Variants in SGPP2 observed in about 807,000 individuals in gnomAD.
The protein encoded by SGPP2 is sphingosine 1-phosphate phosphohydrolase 2.
Under a neutral mutation model 33.9 loss-of-function variants are expected in SGPP2, and 30 were observed. The observed-to-expected ratio is 0.89, with a 90% CI of 0.66 to 1.20. The LOEUF (loss-of-function observed/expected upper bound fraction) is 1.20, where lower values mean the gene tolerates loss of function less well. SGPP2 is among the 50% of genes most tolerant of loss of function. The pLI, the probability that SGPP2 is intolerant of heterozygous loss-of-function variation, is 0.00. For synonymous variants in SGPP2, 233 were observed against 225.0 expected (o/e 1.04, Z -0.32); for missense variants, 458 against 532.1 (o/e 0.86, Z 1.37).
chr2:222,557,847 G>C (rs905942594), intron 4 of SGPP2, among the ~76,000 whole-genome samples: 2 of 152,162 alleles, frequency 1.3e-5, no homozygotes, highest in South Asian at 2.1e-4. Flanking sequence ...ACATCCAAAT[G>C]TCTCCTCAAA....
intron 2 of SGPP2, among the ~76,000 whole-genome samples, chr2:222,488,486 T>G (rs1263126649): frequency 6.6e-6 from 1 of 152,200 alleles, no homozygotes. Context: ...AACAGTTTTA[T>G]CCTAAAAGCA....
chr2:222,424,547 G>A lies in SGPP2; in HGVS notation c.-56G>A, dbSNP rs907742035. 1.2e-5 allele frequency: 14 copies of A among 1,132,708 alleles called. No homozygotes were observed. In the Middle Eastern group the frequency reaches 1.7e-3, roughly 136 times the overall value. 70.2% of individuals were successfully genotyped at this position (1,132,708 alleles called of 1,614,324 possible). On this transcript the variant is annotated 5_prime_UTR_variant, in exon 1 of 5. Transcript: ENST00000321276. ...GGGCGAGGCGGGAGTGGCGGTGCCA[G>A]CGGAGGGCACCGGCCCGGCGTGGCA...
intron 1 of SGPP2, among the ~76,000 whole-genome samples, chr2:222,445,917 AG>A (rs1697391924): frequency 6.6e-6 from 1 of 152,208 alleles, no homozygotes; most frequent in African/African-American, 2.4e-5. Flanking sequence ...CAGAATGTAA[AG>A]GGTTCAGATT....
chr2:222,532,205 C>T (rs758623283), intron 4 of SGPP2, among the ~76,000 whole-genome samples: 11 of 151,560 alleles, frequency 7.3e-5, no homozygotes, highest in Non-Finnish European at 1.3e-4. Context: ...ACCTGGGAGG[C>T]GGAGTTTGCA....
chr2:222,513,114 T>C (rs367615498), intron 2 of SGPP2, among the ~76,000 whole-genome samples: 57 of 152,236 alleles, frequency 3.7e-4, no homozygotes, highest in African/African-American at 1.3e-3. Context: ...GAGTTCCTAT[T>C]GTTCCACATC....
chr2:222,466,210 A>G (rs753476195), intron 1 of SGPP2, among the ~76,000 whole-genome samples: 1 of 147,826 alleles, frequency 6.8e-6, no homozygotes, highest in African/African-American at 2.5e-5. Context: ...TGAATGTTCT[A>G]TGTAGACATG....
At chr2:222,462,336 A>G (rs1199640794) in intron 1 of SGPP2, among the ~76,000 whole-genome samples, 1 of 152,020 alleles carries the variant, frequency 6.6e-6, no homozygotes, top group African/African-American at 2.4e-5. Flanking sequence ...GGGTGACAAG[A>G]CTCATGTTAG....
At position 222,460,186 on chromosome 2, in the gene SGPP2, G is replaced by A. The variant is rs1311907119; in HGVS notation, c.220-14382G>A. Among the ~76,000 whole-genome samples the A allele has an allele frequency of 2.0e-5, 3 of 152,198 alleles. No individual in the cohort carries two copies. The highest frequency in any genetic ancestry group is 1.9e-4 in the East Asian group (1 of 5,198). On this transcript the variant is annotated intron_variant, in intron 1 of 4. Coordinates refer to ENST00000321276, the MANE Select transcript of SGPP2 (RefSeq NM_152386.4). The surrounding 1 kb of genome is among the most constrained non-coding windows in gnomAD (Gnocchi z 4.3). Reference sequence around the variant, plus strand: ...ACTCACTTTCTCTGGGTTTTATCACGTTGTTTTTGTTCCTGTGGTTTCTTG... The same window carrying A: ...ACTCACTTTCTCTGGGTTTTATCACATTGTTTTTGTTCCTGTGGTTTCTTG...
chr2:222,521,476 A>G (rs182496422), intron 2 of SGPP2, among the ~76,000 whole-genome samples: 60 of 152,096 alleles, frequency 3.9e-4, no homozygotes, highest in African/African-American at 1.1e-3. Context: ...AAGCTCCTAG[A>G]ACAGTGTCCA....
chr2:222,437,867 C>T (rs1697268265), intron 1 of SGPP2, among the ~76,000 whole-genome samples: 1 of 152,176 alleles, frequency 6.6e-6, no homozygotes, highest in African/African-American at 2.4e-5. Context: ...ATCCTGGAGA[C>T]TCCCACTGTG....
chr2:222,490,883 G>T (rs1445160969), intron 2 of SGPP2, among the ~76,000 whole-genome samples: 7 of 152,068 alleles, frequency 4.6e-5, no homozygotes, highest in Non-Finnish European at 1.0e-4. Context: ...GTTTCCACTT[G>T]CAGTTTTTTG....
chr2:222,526,060 A>C (rs1698753932), intron 4 of SGPP2, among the ~76,000 whole-genome samples: 1 of 152,256 alleles, frequency 6.6e-6, no homozygotes, highest in Non-Finnish European at 1.5e-5. Context: ...ATGCAAAGGA[A>C]GGTGCTGATA....
At chr2:222,505,557 A>T (rs1414383274) in intron 2 of SGPP2, among the ~76,000 whole-genome samples, 2 of 152,224 alleles carry the variant, frequency 1.3e-5, no homozygotes, top group Admixed American at 1.3e-4. Flanking sequence ...AAGGTATGTC[A>T]TGAATGCATA....
At chr2:222,502,630 T>C (rs1698384770) in intron 2 of SGPP2, among the ~76,000 whole-genome samples, 1 of 152,228 alleles carries the variant, frequency 6.6e-6, no homozygotes, top group East Asian at 1.9e-4. Flanking sequence ...ATATGCGCTG[T>C]AGATAGGCTG....
At chr2:222,481,190 A>C (rs76926958) in intron 2 of SGPP2, among the ~76,000 whole-genome samples, 2,494 of 152,252 alleles carry the variant, frequency 0.016, 96 homozygotes, top group African/African-American at 0.057. Context: ...AAAATGGCAC[A>C]TGTCTACCTA....
chr2:222,503,411 G>A (rs1698396309), intron 2 of SGPP2, among the ~76,000 whole-genome samples: 1 of 152,216 alleles, frequency 6.6e-6, no homozygotes, highest in African/African-American at 2.4e-5. Context: ...AGATTTATTT[G>A]TATAGGTTCA....
chr2:222,433,554 G>GA (rs2106058593), intron 1 of SGPP2, among the ~76,000 whole-genome samples: 1 of 152,310 alleles, frequency 6.6e-6, no homozygotes, highest in South Asian at 2.1e-4. Flanking sequence ...CCTACCTGGT[G>GA]AATGGAAGCT....
chr2:222,524,343 G>T (rs1374226696), intron 3 of SGPP2, among the ~76,000 whole-genome samples: 1 of 152,206 alleles, frequency 6.6e-6, no homozygotes, highest in Non-Finnish European at 1.5e-5. Flanking sequence ...TATAAGCAGA[G>T]TATCTGTGTG....
rs1276411843 is a variant in SGPP2, at chr2:222,459,122, TTTTC to T, written c.220-15426_220-15423del. On this transcript the variant is annotated intron_variant, in intron 1 of 4. Transcript: ENST00000321276. Reference sequence around the variant, plus strand: ...GCTTGTCTAAAAAAGACACACTTTTTTTTCTTTCTTTCTTTCTTTCTTTTTTTTT... The same window carrying T: ...GCTTGTCTAAAAAAGACACACTTTTTTTTCTTTCTTTCTTTCTTTTTTTTT... Among the ~76,000 whole-genome samples, 321 of 138,890 alleles carry T rather than the reference TTTTC, an allele frequency of 2.3e-3. 2 individuals are homozygous for T. Among genetic ancestry groups the T allele is most frequent in the South Asian group, 0.011 (49 of 4,292 alleles). The allele number at this position is 138,890 out of a possible 152,430, so 91.1% of individuals were successfully genotyped here.
Sources: gnomAD v4.1 joint callset for allele counts (sites outside exome capture counted in the v4.1 genomes callset) on GRCh38, gnomAD v4.1.1 for gene constraint, Gnocchi (gnomAD v3.1) non-coding constraint, MANE v1.5 for transcripts, NCBI Gene and HGNC (gene_info 2026-07-23, HGNC 2026-07-21) for gene names.